The following PRKG1 variants were observed in gnomAD, a reference collection of about 807,000 sequenced individuals.
PRKG1 encodes cGMP-dependent protein kinase 1.
Under a neutral mutation model 88.1 loss-of-function variants are expected in PRKG1, and 35 were observed. That is an observed-to-expected ratio of 0.40 (90% CI 0.30 to 0.53). PRKG1 has a LOEUF of 0.53. Among genes scored for constraint, PRKG1 ranks in the 20% least tolerant of loss-of-function variants. PRKG1 has a pLI of 0.59. For missense variants in PRKG1, 540 were observed against 839.8 expected (o/e 0.64, Z 4.41); for synonymous variants, 303 against 292.5 (o/e 1.04, Z -0.37).
intron 7 of PRKG1, among the ~76,000 whole-genome samples, chr10:52,110,774 T>A (rs956092557): frequency 3.3e-5 from 5 of 152,142 alleles, no homozygotes; most frequent in Admixed American, 6.5e-5. Flanking sequence ...CACTTTATGA[T>A]CATTCGTCTG....
intron 2 of PRKG1, among the ~76,000 whole-genome samples, chr10:51,190,075 T>TAC (rs1837593828): frequency 1.3e-5 from 2 of 151,982 alleles, no homozygotes; most frequent in African/African-American, 2.4e-5. Flanking sequence ...AGTGGTTATA[T>TAC]GTGTGACTAA....
At chr10:51,410,943 CA>C (rs1188858664) in intron 2 of PRKG1, among the ~76,000 whole-genome samples, 1 of 151,650 alleles carries the variant, frequency 6.6e-6, no homozygotes, top group Admixed American at 6.6e-5. Context: ...CGGATGTACA[CA>C]AATTTTCTTA....
intron 7 of PRKG1, among the ~76,000 whole-genome samples, chr10:52,063,345 C>T (rs1208138480): frequency 6.6e-6 from 1 of 152,198 alleles, no homozygotes; most frequent in African/African-American, 2.4e-5. Context: ...AAGCAGCTTC[C>T]CCGGCTAGCA....
intron 3 of PRKG1, among the ~76,000 whole-genome samples, chr10:51,723,243 A>T (rs149890170): frequency 7.2e-4 from 110 of 152,310 alleles, no homozygotes; most frequent in African/African-American, 2.4e-3. Context: ...TGAATGATAG[A>T]CTGGATAAAG....
intron 9 of PRKG1, among the ~76,000 whole-genome samples, chr10:52,207,032 A>G (rs1345367614): frequency 6.6e-6 from 1 of 152,210 alleles, no homozygotes; most frequent in Non-Finnish European, 1.5e-5. Context: ...TCATGCCAAC[A>G]GGGGCATTGC....
intron 1 of PRKG1, among the ~76,000 whole-genome samples, chr10:51,152,958 A>T (rs1003153843): frequency 6.6e-6 from 1 of 150,570 alleles, no homozygotes; most frequent in Non-Finnish European, 1.5e-5. Flanking sequence ...TAGAATACTT[A>T]AAAAAAATTC....
intron 3 of PRKG1, among the ~76,000 whole-genome samples, chr10:51,787,294 G>C (rs539222345): frequency 1.3e-5 from 2 of 152,218 alleles, no homozygotes; most frequent in African/African-American, 4.8e-5. Context: ...TATCCTTTCT[G>C]TATTATGCAT....
chr10:52,172,762 A>T (rs1589671938), intron 9 of PRKG1, among the ~76,000 whole-genome samples: 1 of 152,330 alleles, frequency 6.6e-6, no homozygotes, highest in East Asian at 1.9e-4. Flanking sequence ...CTAGTGAGTG[A>T]GAGCAAGGCT....
At chr10:51,840,697 C>T (rs910641415) in intron 4 of PRKG1, among the ~76,000 whole-genome samples, 21 of 152,130 alleles carry the variant, frequency 1.4e-4, no homozygotes, top group Admixed American at 4.6e-4. Flanking sequence ...CAGGTGTGCA[C>T]CGCCATGCCT....
Position 50,991,573 on chromosome 10 carries a change from G to A in PRKG1, c.195G>A (p.Ser65=), listed in dbSNP as rs747732839. 16 of 1,601,204 alleles carry A rather than the reference G, an allele frequency of 1.0e-5. No individual in the cohort carries two copies. The highest frequency in any genetic ancestry group is 1.4e-5 in the Non-Finnish European group (16 of 1,175,280). ...GGACCACCCGGGCGCAGGGCATCTC[G>A]GCCGAGCCGCAGACGTACAGGTCCT... is the stretch of plus-strand genomic sequence containing the variant. Residue 65 remains serine, a synonymous_variant, in exon 1 of 18, where the codon TCG becomes TCA. Transcript: ENST00000401604. The surrounding 1 kb of genome is among the most constrained non-coding windows in gnomAD (Gnocchi z 4.5).
chr10:51,171,741 T>C (rs1268773441), intron 2 of PRKG1, among the ~76,000 whole-genome samples: 1 of 152,096 alleles, frequency 6.6e-6, no homozygotes, highest in Non-Finnish European at 1.5e-5. Flanking sequence ...CTAGGGGACA[T>C]TTTTGCCATA....
rs545195374 is a variant in PRKG1, at chr10:52,171,786, A to ATTTTTTTTTT, written c.1076+9841_1076+9850dup. Among the ~76,000 whole-genome samples the ATTTTTTTTTT allele has an allele frequency of 1.1e-3, 106 of 93,846 alleles. 6 individuals carry two copies. Among genetic ancestry groups the ATTTTTTTTTT allele is most frequent in the African/African-American group, 4.3e-3 (100 of 23,436 alleles). The allele number at this position is 93,846 out of a possible 152,430, so 61.6% of individuals were successfully genotyped here. A position where few individuals can be genotyped will look rare whatever the true frequency, so the allele number is the denominator to read the frequency against. ...ATAGAAGTATTTTTCTTTTATCAAAATTTTTTTTTTTTTTTTTTTTTTTTT... is the reference window on the plus strand; with the variant it reads ...ATAGAAGTATTTTTCTTTTATCAAAATTTTTTTTTTTTTTTTTTTTTTTTTTTTTTTTTTT... On this transcript the variant is annotated intron_variant, in intron 9 of 17. Transcript: ENST00000373980.
At chr10:52,102,425 T>C (rs1352714079) in intron 7 of PRKG1, among the ~76,000 whole-genome samples, 1 of 151,908 alleles carries the variant, frequency 6.6e-6, no homozygotes, top group Admixed American at 6.6e-5. Context: ...TCTGGAAGGA[T>C]TTCACCAGTG....
intron 9 of PRKG1, among the ~76,000 whole-genome samples, chr10:52,228,092 A>T (rs978551387): frequency 6.6e-6 from 1 of 152,170 alleles, no homozygotes; most frequent in Non-Finnish European, 1.5e-5. Context: ...AGGCAAGTAA[A>T]TTTGAAGGTC....
chr10:51,775,836 G>C (rs773561295), intron 3 of PRKG1, among the ~76,000 whole-genome samples: 9 of 152,076 alleles, frequency 5.9e-5, no homozygotes, highest in Non-Finnish European at 1.2e-4. Context: ...TGCCAGCCTA[G>C]GCCTCCCAAA....
chr10:51,409,317 G>A (rs1838010088), intron 2 of PRKG1, among the ~76,000 whole-genome samples: 1 of 152,124 alleles, frequency 6.6e-6, no homozygotes, highest in South Asian at 2.1e-4. Context: ...TGGCAGGAGT[G>A]GAGACCATGG....
intron 1 of PRKG1, among the ~76,000 whole-genome samples, chr10:51,032,782 TG>T (rs1843300759): frequency 6.6e-6 from 1 of 152,072 alleles, no homozygotes; most frequent in African/African-American, 2.4e-5. Context: ...AATATTATTT[TG>T]GGGTATGTGT....
intron 9 of PRKG1, among the ~76,000 whole-genome samples, chr10:52,227,608 A>G (rs1840420253): frequency 6.6e-6 from 1 of 152,154 alleles, no homozygotes; most frequent in Admixed American, 6.5e-5. Flanking sequence ...TTTGGTATCC[A>G]CAGGAGATCC....
At chr10:51,581,934 TAA>T (rs559693897) in intron 3 of PRKG1, among the ~76,000 whole-genome samples, 3 of 147,092 alleles carry the variant, frequency 2.0e-5, no homozygotes, top group Admixed American at 6.8e-5. Context: ...ATAAGTACAT[TAA>T]AAAAAAAAAT....
Sources: gnomAD v4.1 joint callset for allele counts (sites outside exome capture counted in the v4.1 genomes callset) on GRCh38, gnomAD v4.1.1 for gene constraint, Gnocchi (gnomAD v3.1) non-coding constraint, MANE v1.5 for transcripts, NCBI Gene and HGNC (gene_info 2026-07-23, HGNC 2026-07-21) for gene names.